Variants in E2F4 observed in about 807,000 individuals in gnomAD.
The protein encoded by E2F4 is E2F transcription factor 4.
In E2F4, 16 loss-of-function variants were observed where a neutral mutation model predicts 44.5. The ratio of observed to expected loss-of-function variants is 0.36; its 90% CI spans 0.24 to 0.55. The LOEUF is 0.55. Ranked by LOEUF, E2F4 falls within the 20% of genes least tolerant of loss-of-function variation. E2F4 has a pLI of 0.87. For synonymous variants in E2F4, 242 were observed against 207.2 expected (o/e 1.17, Z -1.44); for missense variants, 473 against 522.1 (o/e 0.91, Z 0.92).
intron 6 of E2F4, 129 bp downstream of exon 6, chr16:67,195,109 C>T: frequency 8.3e-7 from 1 of 1,202,914 alleles, no homozygotes. Context: ...CCTAGCCTTC[C>T]CTTGCTATGG....
Position 67,194,835 on chromosome 16 carries a change from T to C in E2F4, c.663T>C (p.Ala221=). The change falls in exon 6 of 10, where the codon GCT becomes GCC. Residue 221 remains alanine (A), a synonymous_variant. Coordinates refer to ENST00000379378, the MANE Select transcript of E2F4 (RefSeq NM_001950.4). ...AAGATTTGCTCCAGAGCCCATCTGCTGTTTCTACACCTCCACCTCTGCCCA... is the reference window on the plus strand; with the variant it reads ...AAGATTTGCTCCAGAGCCCATCTGCCGTTTCTACACCTCCACCTCTGCCCA... ...PPEDLLQSPS[A]VSTPPPLPKP... 1 of 1,614,182 alleles carries C rather than the reference T, an allele frequency of 6.2e-7. No homozygotes were observed. Among genetic ancestry groups the C allele is most frequent in the Non-Finnish European group, 8.5e-7 (1 of 1,180,032 alleles).
chr16:67,198,194 C>A lies in E2F4; in HGVS notation c.*71C>A. Reference sequence around the variant, plus strand: ...CTGGGGGTTGCCTGGGGACCTCTCCCACCCGACCCCTACAGAGCTTGAGAG... The same window carrying A: ...CTGGGGGTTGCCTGGGGACCTCTCCAACCCGACCCCTACAGAGCTTGAGAG... On this transcript the variant is annotated 3_prime_UTR_variant, in exon 10 of 10. Transcript: ENST00000379378. 1.5e-6 allele frequency: 2 copies of A among 1,361,922 alleles called. No individual in the cohort carries two copies. The highest frequency in any genetic ancestry group is 1.0e-6 in the Non-Finnish European group (1 of 960,404). The allele number at this position is 1,361,922 out of a possible 1,614,324, so 84.4% of individuals were successfully genotyped here. A position where few individuals can be genotyped will look rare whatever the true frequency, so the allele number is the denominator to read the frequency against.
intron 6 of E2F4, 77 bp from the exon 7 acceptor site, chr16:67,195,705 G>A: frequency 6.3e-7 from 1 of 1,594,012 alleles, no homozygotes; most frequent in Non-Finnish European, 8.6e-7. Context: ...GTCCTCCTGT[G>A]TCTGGGTTCC....
At position 67,193,832 on chromosome 16, in the gene E2F4, G is replaced by A. The variant is rs139460622; in HGVS notation, c.451+317G>A. 1.8e-3 allele frequency: 785 copies of A among 433,658 alleles called. 5 individuals are homozygous for A. The highest frequency in any genetic ancestry group is 5.6e-3 in the Middle Eastern group (9 of 1,600). 26.9% of individuals were successfully genotyped at this position (433,658 alleles called of 1,614,324 possible). ...AGAGAGGATATGTGTGTATTTGCTT[G>A]TGTGCAGGCTCTTACATGCAGGGCA... On this transcript the variant is annotated intron_variant, in intron 4 of 9. Transcript: ENST00000379378.
Position 67,192,213 on chromosome 16 carries a change from C to CGGCG in E2F4, c.-6_-3dup, listed in dbSNP as rs2032896822. On this transcript the variant is annotated 5_prime_UTR_variant, in exon 1 of 10. Transcript: ENST00000379378. ...CTGGCCTGGCCTGGCTGAGGGGAGG[C>CGGCG]GGCGGGCGGGCGCGATGGCGGAGGC... 3 of 1,098,992 alleles carry CGGCG rather than the reference C, an allele frequency of 2.7e-6. No individual in the cohort carries two copies. Among genetic ancestry groups the CGGCG allele is most frequent in the Non-Finnish European group, 2.2e-6 (2 of 901,912 alleles). The allele number at this position is 1,098,992 out of a possible 1,614,324, so 68.1% of individuals were successfully genotyped here.
In E2F4 at chr16:67,198,372, G is replaced by C. The variant is rs932284544; in HGVS notation, c.*249G>C. On this transcript the variant is annotated 3_prime_UTR_variant, in exon 10 of 10. Coordinates refer to ENST00000379378, the MANE Select transcript of E2F4 (RefSeq NM_001950.4). ...AAAGTGTTTGCTTCTCCCTTTCTGCGGCCTTCGCCAGCCCAGGCTCGGCTG... is the reference window on the plus strand; with the variant it reads ...AAAGTGTTTGCTTCTCCCTTTCTGCCGCCTTCGCCAGCCCAGGCTCGGCTG... 2.0e-6 allele frequency: 1 copy of C among 495,050 alleles called. No individual in the cohort carries two copies. The highest frequency in any genetic ancestry group is 1.9e-5 in the African/African-American group (1 of 51,610). 30.7% of individuals were successfully genotyped at this position (495,050 alleles called of 1,614,324 possible). A position where few individuals can be genotyped will look rare whatever the true frequency, so the allele number is the denominator to read the frequency against.
intron 4 of E2F4, 77 bp downstream of exon 4, chr16:67,193,592 G>A (rs1323439919): frequency 1.3e-6 from 2 of 1,490,494 alleles, no homozygotes; most frequent in Non-Finnish European, 1.9e-6. Flanking sequence ...CAGTGTCTTA[G>A]GAGAGTTCTG....
At position 67,198,758 on chromosome 16, in the gene E2F4, CTT is replaced by C; in HGVS notation, c.*639_*640del. ...CCCCATAACCCTCTCTTCATTTCGG[CTT>C]TTTCATTTACCCTCATTTAGAGCCA... On this transcript the variant is annotated 3_prime_UTR_variant, in exon 10 of 10. Transcript: ENST00000379378. 5.1e-6 allele frequency: 1 copy of C among 197,420 alleles called. No individual in the cohort carries two copies. The highest frequency in any genetic ancestry group is 1.0e-4 in the South Asian group (1 of 9,540). 12.2% of individuals were successfully genotyped at this position (197,420 alleles called of 1,614,324 possible).
At chr16:67,194,332 C>T (rs2142212248) in intron 4 of E2F4, 66 bp from the exon 5 acceptor site, 2 of 1,566,520 alleles carry the variant, frequency 1.3e-6, no homozygotes, top group South Asian at 1.1e-5. Context: ...CTCCAAAAGG[C>T]AGGCACCTCT....
At chr16:67,197,119 A>G (rs1021869812) in intron 7 of E2F4, among the ~76,000 whole-genome samples, 6 of 152,108 alleles carry the variant, frequency 3.9e-5, no homozygotes, top group Non-Finnish European at 8.8e-5. Flanking sequence ...CTGGCATGTG[A>G]AATCCCTCAT....
chr16:67,198,319 A>G lies in E2F4; in HGVS notation c.*196A>G, dbSNP rs1004056126. ...TTCTGTGCTCGCAGAGCAGGGGAACAGGACTCAGCCCCCATCACCGTGGAG... is the reference window on the plus strand; with the variant it reads ...TTCTGTGCTCGCAGAGCAGGGGAACGGGACTCAGCCCCCATCACCGTGGAG... On this transcript the variant is annotated 3_prime_UTR_variant, in exon 10 of 10. Transcript: ENST00000379378. 1.7e-6 allele frequency: 1 copy of G among 594,124 alleles called. No homozygotes were observed. Among genetic ancestry groups the G allele is most frequent in the Non-Finnish European group, 3.0e-6 (1 of 332,410 alleles). The allele number at this position is 594,124 out of a possible 1,614,324, so 36.8% of individuals were successfully genotyped here.
intron 4 of E2F4, chr16:67,193,925 T>A (rs2032927724): frequency 8.0e-6 from 2 of 250,026 alleles, no homozygotes; most frequent in Non-Finnish European, 1.5e-5. Context: ...CCTTTTTTTT[T>A]CTTTTTAAGA....
At position 67,194,887 on chromosome 16, in the gene E2F4, G is replaced by C. The variant is rs1266518013; in HGVS notation, c.715G>C (p.Ala239Pro). Residue 239 changes from alanine (A) to proline (P), a missense_variant, in exon 6 of 10, where the codon GCC becomes CCC. This residue lies in a region of E2F4 where 314 missense variants were observed against 315.6 expected (regional missense o/e 0.99). Coordinates refer to ENST00000379378, the MANE Select transcript of E2F4 (RefSeq NM_001950.4). ...GCCTGCCCTAGCCCAGTCCCAGGAAGCCTCACGTCCAAATAGTCCTCAGCT... is the reference window on the plus strand; with the variant it reads ...GCCTGCCCTAGCCCAGTCCCAGGAACCCTCACGTCCAAATAGTCCTCAGCT... ...PKPALAQSQE[A>P]SRPNSPQLTP... 6.2e-7 allele frequency: 1 copy of C among 1,614,060 alleles called. No individual in the cohort carries two copies. Among genetic ancestry groups the C allele is most frequent in the African/African-American group, 1.3e-5 (1 of 74,922 alleles).
chr16:67,194,550 G>C (rs1348127501), intron 5 of E2F4, 91 bp downstream of exon 5: 2 of 1,583,544 alleles, frequency 1.3e-6, no homozygotes, highest in African/African-American at 2.7e-5. Context: ...GTAGGGGGAG[G>C]CCTGGAGTTT....
At chr16:67,195,641 C>G (rs2032954789) in intron 6 of E2F4, 141 bp from the exon 7 acceptor site, 2 of 1,495,040 alleles carry the variant, frequency 1.3e-6, no homozygotes, top group South Asian at 1.3e-5. Context: ...GTTACTTCCT[C>G]TGGGGGTGAC....
In E2F4 at chr16:67,195,062, A is replaced by G. The variant is rs2032946260; in HGVS notation, c.808+82A>G. 3 of 1,509,730 alleles carry G rather than the reference A, an allele frequency of 2.0e-6. No homozygotes were observed. The African/African-American group carries it at 4.1e-5, about 21-fold the overall frequency. The allele number at this position is 1,509,730 out of a possible 1,614,324, so 93.5% of individuals were successfully genotyped here. A position where few individuals can be genotyped will look rare whatever the true frequency, so the allele number is the denominator to read the frequency against. ...GGAACACCATGCTCAGAGTTGGAAGAGACTCTTCAGGTTGGGGATTGTCCT... is the reference window on the plus strand; with the variant it reads ...GGAACACCATGCTCAGAGTTGGAAGGGACTCTTCAGGTTGGGGATTGTCCT... On this transcript the variant is annotated intron_variant, in intron 6 of 9. Transcript: ENST00000379378.
chr16:67,197,617 A>T lies in E2F4; in HGVS notation c.1052A>T (p.Glu351Val). ...TTTTCAGTTTTGGAACTCCCCAAAG[A>T]GCTGTCAGAAATCTTTGATCCCACA... is the stretch of plus-strand genomic sequence containing the variant. ...DPTGVLELPK[E>V]LSEIFDPTRE... Residue 351 changes from glutamate to valine, a missense_variant, in exon 8 of 10, where the codon GAG (glutamate) becomes GTG (valine). Physicochemically the swap from Glu to Val is moderately radical, Grantham distance 121 (BLOSUM62 -2). Around this residue, in one of 3 missense-constraint regions of E2F4, gnomAD observed 314 missense variants for 315.6 expected, o/e 0.99. Transcript: ENST00000379378. 1 of 1,614,164 alleles carries T rather than the reference A, an allele frequency of 6.2e-7. No homozygotes were observed. Among genetic ancestry groups the T allele is most frequent in the South Asian group, 1.1e-5 (1 of 91,080 alleles).
rs954140325 is a variant in E2F4 at position 67,198,169 on chromosome 16, C to G, written c.*46C>G. On this transcript the variant is annotated 3_prime_UTR_variant, in exon 10 of 10. Coordinates refer to ENST00000379378, the MANE Select transcript of E2F4 (RefSeq NM_001950.4). ...GTGGCTGGGACCCAGACTGTCTGACCTGGGGGTTGCCTGGGGACCTCTCCC... is the reference window on the plus strand; with the variant it reads ...GTGGCTGGGACCCAGACTGTCTGACGTGGGGGTTGCCTGGGGACCTCTCCC... 2 of 1,577,428 alleles carry G rather than the reference C, an allele frequency of 1.3e-6. No homozygotes were observed. The highest frequency in any genetic ancestry group is 1.7e-6 in the Non-Finnish European group (2 of 1,150,590).
chr16:67,194,716 C>A lies in E2F4; in HGVS notation c.544C>A (p.His182Asn). The A allele has an allele frequency of 6.2e-7, 1 of 1,613,906 alleles. No individual in the cohort carries two copies. Among genetic ancestry groups the A allele is most frequent in the Non-Finnish European group, 8.5e-7 (1 of 1,179,786 alleles). Residue 182 changes from histidine (H) to asparagine (N), a missense_variant, in exon 6 of 10, where the codon CAC becomes AAC. Physicochemically the swap from His to Asn is moderately conservative, Grantham distance 68. Around this residue, in one of 3 missense-constraint regions of E2F4, gnomAD observed 314 missense variants for 315.6 expected, o/e 0.99. Transcript: ENST00000379378. ...GLNGQKKYQI[H>N]LKSVSGPIEV... ...CAATGGGCAGAAGAAGTACCAGATTCACCTGAAGAGTGTGAGTGGTCCCAT... is the reference window on the plus strand; with the variant it reads ...CAATGGGCAGAAGAAGTACCAGATTAACCTGAAGAGTGTGAGTGGTCCCAT...
Sources: gnomAD v4.1 joint callset for allele counts (sites outside exome capture counted in the v4.1 genomes callset) on GRCh38, gnomAD v4.1.1 for gene constraint, gnomAD v4.1.1 regional missense constraint, MANE v1.5 for transcripts, NCBI Gene and HGNC (gene_info 2026-07-23, HGNC 2026-07-21) for gene names.